INPP4B: variants seen among roughly 807,000 people sequenced by gnomAD.
INPP4B encodes the protein inositol polyphosphate-4-phosphatase type II B.
INPP4B carries 55 observed loss-of-function variants against 122.5 expected under a neutral mutation model. That is an observed-to-expected ratio of 0.45 (90% confidence interval 0.36 to 0.56). INPP4B has a LOEUF of 0.56. Ranked by LOEUF, INPP4B falls within the 20% of genes least tolerant of loss-of-function variation. INPP4B has a pLI of 0.00. For synonymous variants in INPP4B, 403 were observed against 388.7 expected (o/e 1.04, Z -0.43); for missense variants, 1,000 against 1,097.7 (o/e 0.91, Z 1.26).
chr4:142,703,566 G>T (rs1762080020), intron 2 of INPP4B, among the ~76,000 whole-genome samples: 1 of 152,210 alleles, frequency 6.6e-6, no homozygotes, highest in Non-Finnish European at 1.5e-5. Flanking sequence ...CAAATTAGCA[G>T]GTTTGGAACA....
chr4:142,087,217 C>T (rs1442990303), intron 23 of INPP4B, among the ~76,000 whole-genome samples: 1 of 152,078 alleles, frequency 6.6e-6, no homozygotes, highest in African/African-American at 2.4e-5. Flanking sequence ...AAAAATATAT[C>T]CTGCTTGAGA....
intron 17 of INPP4B, among the ~76,000 whole-genome samples, chr4:142,155,558 C>T (rs990576737): frequency 6.6e-6 from 1 of 152,064 alleles, no homozygotes; most frequent in Non-Finnish European, 1.5e-5. Flanking sequence ...CCCCTTATGC[C>T]TAGTGTTCCA....
At chr4:142,234,416 AGTTG>A (rs1855787013) in intron 12 of INPP4B, among the ~76,000 whole-genome samples, 2 of 151,834 alleles carry the variant, frequency 1.3e-5, no homozygotes, top group Admixed American at 1.3e-4. Context: ...TTTTTTCTTT[AGTTG>A]GTTCTCTTTG....
chr4:142,825,002 T>A (rs879766669), intron 1 of INPP4B, among the ~76,000 whole-genome samples: 2 of 151,988 alleles, frequency 1.3e-5, no homozygotes, highest in Admixed American at 6.6e-5. Flanking sequence ...GAGAAAAAAA[T>A]TATGACAACC....
At position 142,653,529 on chromosome 4, in the gene INPP4B, A is replaced by G. The variant is rs972180404; in HGVS notation, c.-191+72310T>C. Among the ~76,000 whole-genome samples the G allele has an allele frequency of 7.2e-5, 11 of 152,344 alleles. No individual in the cohort carries two copies. The South Asian group carries it at 8.3e-4, about 11-fold the overall frequency. On this transcript the variant is annotated intron_variant, in intron 2 of 25. Transcript: ENST00000262992. ...AAAGAACTCCAACAAATTTACAAGA[A>G]AAAAACAACCCCATCAAAAAGTGGG... is the stretch of plus-strand genomic sequence containing the variant.
At chr4:142,337,577 G>T (rs1314657228) in intron 7 of INPP4B, among the ~76,000 whole-genome samples, 1 of 148,720 alleles carries the variant, frequency 6.7e-6, no homozygotes, top group African/African-American at 2.5e-5. Context: ...CTGGCCATTT[G>T]ATTTTTCTCT....
chr4:142,300,804 G>T (rs1200754085), intron 9 of INPP4B, among the ~76,000 whole-genome samples: 2 of 152,086 alleles, frequency 1.3e-5, no homozygotes, highest in East Asian at 1.9e-4. Flanking sequence ...TATGTTATTT[G>T]TTCCATAAAA....
chr4:142,710,196 A>G (rs1468319394), intron 2 of INPP4B, among the ~76,000 whole-genome samples: 3 of 152,190 alleles, frequency 2.0e-5, no homozygotes, highest in African/African-American at 7.2e-5. Context: ...GGCAGGATAA[A>G]TTTATGAGCA....
intron 18 of INPP4B, among the ~76,000 whole-genome samples, chr4:142,141,257 T>C (rs901897419): frequency 3.9e-5 from 6 of 152,324 alleles, no homozygotes; most frequent in African/African-American, 1.4e-4. Flanking sequence ...TAACTGAAGA[T>C]GTGCCTCATA....
intron 7 of INPP4B, among the ~76,000 whole-genome samples, chr4:142,362,836 CGGAA>C (rs1561933881): frequency 6.6e-6 from 1 of 151,834 alleles, no homozygotes; most frequent in Admixed American, 6.6e-5. Context: ...GTTTTCCAAA[CGGAA>C]GGAAGGAGGG....
intron 13 of INPP4B, 31 bp from the exon 14 acceptor site, chr4:142,208,560 G>T: frequency 8.8e-7 from 1 of 1,140,860 alleles, no homozygotes; most frequent in Non-Finnish European, 1.3e-6. Flanking sequence ...AACATTATTA[G>T]TAAATAATGA....
chr4:142,722,327 A>G (rs1361888066), intron 2 of INPP4B, among the ~76,000 whole-genome samples: 1 of 152,184 alleles, frequency 6.6e-6, no homozygotes, highest in East Asian at 1.9e-4. Flanking sequence ...CAGACCAGAC[A>G]TTCAAAGCCA....
At chr4:142,146,022 A>G (rs1417740210) in intron 17 of INPP4B, 26 bp from the exon 18 acceptor site, 1 of 1,587,232 alleles carries the variant, frequency 6.3e-7, no homozygotes, top group Non-Finnish European at 8.6e-7. Context: ...GTATCACTAC[A>G]TATTTTTGTC....
intron 5 of INPP4B, among the ~76,000 whole-genome samples, chr4:142,408,397 A>G (rs1470941695): frequency 6.6e-6 from 1 of 152,142 alleles, no homozygotes; most frequent in Non-Finnish European, 1.5e-5. Flanking sequence ...TATTAAAAAT[A>G]CAAAAATTAG....
At chr4:142,393,294 A>G (rs1798321014) in intron 7 of INPP4B, among the ~76,000 whole-genome samples, 1 of 152,178 alleles carries the variant, frequency 6.6e-6, no homozygotes, top group African/African-American at 2.4e-5. Context: ...ATGCACTAGG[A>G]CCCAACAGAC....
chr4:142,382,647 TTATATATATTTA>T (rs1313714564), intron 7 of INPP4B, among the ~76,000 whole-genome samples: 2 of 145,146 alleles, frequency 1.4e-5, no homozygotes, highest in South Asian at 2.1e-4. Context: ...CATTTATATA[TTATATATATTTA>T]TATATATATT....
intron 4 of INPP4B, among the ~76,000 whole-genome samples, chr4:142,429,946 A>G (rs1808929550): frequency 6.6e-6 from 1 of 152,102 alleles, no homozygotes; most frequent in Admixed American, 6.6e-5. Context: ...AGAGTGGATG[A>G]CTGGATGTAT....
intron 11 of INPP4B, among the ~76,000 whole-genome samples, chr4:142,249,874 C>T (rs1731079338): frequency 6.6e-6 from 1 of 152,200 alleles, no homozygotes; most frequent in African/African-American, 2.4e-5. Flanking sequence ...ATCTCCCCTT[C>T]TATACAGTCA....
chr4:142,503,563 T>C (rs544188578), intron 2 of INPP4B, among the ~76,000 whole-genome samples: 1 of 152,106 alleles, frequency 6.6e-6, no homozygotes, highest in Non-Finnish European at 1.5e-5. Flanking sequence ...AGACATAGTA[T>C]GAAAATAATA....
Sources: gnomAD v4.1 joint callset for allele counts (sites outside exome capture counted in the v4.1 genomes callset) on GRCh38, gnomAD v4.1.1 for gene constraint, MANE v1.5 for transcripts, NCBI Gene and HGNC (gene_info 2026-07-23, HGNC 2026-07-21) for gene names.